Variants in FLT3LG observed in about 807,000 individuals in gnomAD.
The protein encoded by FLT3LG is fms related receptor tyrosine kinase 3 ligand.
Under a neutral mutation model 30.9 loss-of-function variants are expected in FLT3LG, and 8 were observed. That is an observed-to-expected ratio of 0.26 (90% CI 0.15 to 0.47). The LOEUF (loss-of-function observed/expected upper bound fraction) is 0.47, where lower values mean the gene tolerates loss of function less well. Among genes scored for constraint, FLT3LG ranks in the 20% least tolerant of loss-of-function variants. The pLI, the probability that FLT3LG is intolerant of heterozygous loss-of-function variation, is 0.99. For missense variants in FLT3LG, 278 were observed against 306.2 expected (o/e 0.91, Z 0.69); for synonymous variants, 123 against 135.9 (o/e 0.91, Z 0.66).
Position 49,479,054 on chromosome 19 carries a change from G to C in FLT3LG, c.481+7G>C, listed in dbSNP as rs1216262023. On this transcript the variant is annotated splice_region_variant and intron_variant, in intron 6 of 8. Coordinates refer to ENST00000597551, the MANE Select transcript of FLT3LG (RefSeq NM_001459.4). The stretch of plus-strand genomic sequence containing the variant: ...GAGCTGCAGTGTCAGCCCGGTAAAG[G>C]CTTCCAGGCACCCCCACTCCTTCCC... 5.6e-6 allele frequency: 9 copies of C among 1,604,100 alleles called. No homozygotes were observed. The highest frequency in any genetic ancestry group is 2.7e-5 in the African/African-American group (2 of 74,514).
chr19:49,484,761 A>G (rs2079745277), intron 8 of FLT3LG, among the ~76,000 whole-genome samples: 3 of 152,064 alleles, frequency 2.0e-5, no homozygotes, highest in African/African-American at 7.2e-5. Flanking sequence ...TCCCAAAGTG[A>G]TAGGATTACA....
chr19:49,475,662 G>C, intron 2 of FLT3LG, 29 bp from the exon 3 acceptor site: 2 of 1,598,092 alleles, frequency 1.3e-6, no homozygotes, highest in Non-Finnish European at 8.5e-7. Flanking sequence ...GAACAGCAGA[G>C]GGCTCCCCCA....
rs1185023325 is a variant in FLT3LG, at chr19:49,486,230, C to A, written c.*237C>A. 6.5e-6 allele frequency: 1 copy of A among 152,696 alleles called. No homozygotes were observed. Among genetic ancestry groups the A allele is most frequent in the Non-Finnish European group, 1.5e-5 (1 of 68,096 alleles). The allele number at this position is 152,696 out of a possible 1,614,324, so 9.5% of individuals were successfully genotyped here. A position where few individuals can be genotyped will look rare whatever the true frequency, so the allele number is the denominator to read the frequency against. On this transcript the variant is annotated 3_prime_UTR_variant, in exon 9 of 9. Transcript: ENST00000597551. ...TTGTATATAAATCATCCTTTTCTAC[C>A]AGCTCTGGCCAGGTCTGTCTATGGA... is the stretch of plus-strand genomic sequence containing the variant.
rs370559594 is a variant in FLT3LG, at chr19:49,480,450, C to T, written c.634C>T (p.Arg212Trp). 3.8e-6 allele frequency: 6 copies of T among 1,591,256 alleles called. No homozygotes were observed. Among genetic ancestry groups the T allele is most frequent in the Admixed American group, 1.8e-5 (1 of 56,578 alleles). The change falls in exon 7 of 9, where the codon CGG (arginine) becomes TGG (tryptophan). Residue 212 changes from arginine (R) to tryptophan (W), a missense_variant. Physicochemically the swap from Arg to Trp is moderately radical, Grantham distance 101 (BLOSUM62 -3). This residue lies in a region of FLT3LG where 170 missense variants were observed against 162.0 expected (regional missense o/e 1.05). Transcript: ENST00000597551. ...GTGCCTGCACTGGCAGAGGACGCGG[C>T]GGAGGACACCCCGCCCTGGGGAGCA... ...AWCLHWQRTR[R>W]RTPRPGEQVP...
At chr19:49,475,657 G>C (rs1483004231) in intron 2 of FLT3LG, 34 bp from the exon 3 acceptor site, 1 of 1,596,104 alleles carries the variant, frequency 6.3e-7, no homozygotes, top group Non-Finnish European at 8.5e-7. Flanking sequence ...GTGTGGAACA[G>C]CAGAGGGCTC....
At chr19:49,475,658 C>T in intron 2 of FLT3LG, 33 bp from the exon 3 acceptor site, 1 of 1,596,250 alleles carries the variant, frequency 6.3e-7, no homozygotes, top group Non-Finnish European at 8.5e-7. Flanking sequence ...TGTGGAACAG[C>T]AGAGGGCTCC....
At chr19:49,484,288 A>ATTTTTTTTTTTTTT (rs745909519) in intron 8 of FLT3LG, among the ~76,000 whole-genome samples, 4 of 98,354 alleles carry the variant, frequency 4.1e-5, no homozygotes, top group African/African-American at 8.9e-5. Flanking sequence ...TTTTATTATA[A>ATTTTTTTTTTTTTT]TTTTTTTTTT....
At chr19:49,478,144 G>A (rs368155260) in intron 5 of FLT3LG, among the ~76,000 whole-genome samples, 8 of 144,112 alleles carry the variant, frequency 5.6e-5, no homozygotes, top group African/African-American at 1.1e-4. Flanking sequence ...GAGAAACCCC[G>A]TTTCTACTAA....
rs572235634 is a variant in FLT3LG at position 49,476,602 on chromosome 19, G to A, written c.342+36G>A. 6.2e-6 allele frequency: 10 copies of A among 1,612,560 alleles called. No individual in the cohort carries two copies. The South Asian group carries it at 8.8e-5, about 14-fold the overall frequency. Reference sequence around the variant, plus strand: ...AACTTAGGGGACAAGTGAGGGGAGGGAGATGCCTTCCTACGAATTAGAAGT... The same window carrying A: ...AACTTAGGGGACAAGTGAGGGGAGGAAGATGCCTTCCTACGAATTAGAAGT... On this transcript the variant is annotated intron_variant, in intron 5 of 8. Transcript: ENST00000597551. This position sits in a 1 kb window ranked among gnomAD's most constrained non-coding sequence, Gnocchi z 5.3.
At position 49,480,114 on chromosome 19, in the gene FLT3LG, T is replaced by C. The variant is rs189978045; in HGVS notation, c.482-184T>C. Among the ~76,000 whole-genome samples the C allele has an allele frequency of 5.3e-5, 8 of 152,338 alleles. No homozygotes were observed. In the East Asian group the frequency reaches 1.5e-3, roughly 29 times the overall value. ...CCACCGCGCTCAGCCTATTCACTCA[T>C]TTAATTTGTGACAGTCTGATGAGGT... On this transcript the variant is annotated intron_variant, in intron 6 of 8. Coordinates refer to ENST00000597551, the MANE Select transcript of FLT3LG (RefSeq NM_001459.4).
chr19:49,483,091 C>T (rs181209503), intron 8 of FLT3LG, among the ~76,000 whole-genome samples: 1 of 152,190 alleles, frequency 6.6e-6, no homozygotes, highest in East Asian at 1.9e-4. Context: ...TTTTGTCATA[C>T]TAAGCCTTCA....
In FLT3LG at chr19:49,480,382, T is replaced by G; in HGVS notation, c.566T>G (p.Leu189Arg). Residue 189 changes from leucine to arginine, a missense_variant, in exon 7 of 9, where the codon CTA becomes CGA. Physicochemically the swap from Leu to Arg is moderately radical, Grantham distance 102 (BLOSUM62 -2). Around this residue, in one of 3 missense-constraint regions of FLT3LG, gnomAD observed 170 missense variants for 162.0 expected, o/e 1.05. Transcript: ENST00000597551. ...PTAPQPPLLL[L>R]LLLPVGLLLL... is the part of the protein sequence containing the mutation. ...GCCCCGCAGCCCCCTCTGCTCCTCC[T>G]ACTGCTGCTGCCCGTGGGCCTCCTG... 5.0e-6 allele frequency: 8 copies of G among 1,610,416 alleles called. No individual in the cohort carries two copies. The highest frequency in any genetic ancestry group is 5.9e-6 in the Non-Finnish European group (7 of 1,178,738).
intron 8 of FLT3LG, among the ~76,000 whole-genome samples, chr19:49,485,253 T>TC (rs1568682882): frequency 6.7e-6 from 1 of 148,902 alleles, no homozygotes; most frequent in African/African-American, 2.5e-5. Flanking sequence ...TTTTTCTTTT[T>TC]TTTTTTTTTT....
intron 2 of FLT3LG, 79 bp downstream of exon 2, chr19:49,474,751 CG>C: frequency 6.9e-7 from 1 of 1,453,090 alleles, no homozygotes; most frequent in Non-Finnish European, 9.5e-7. Flanking sequence ...GGGAGATGGA[CG>C]GGAGAACAGA....
At chr19:49,485,904 G>C (rs1162522733) in intron 8 of FLT3LG, 111 bp from the exon 9 acceptor site, 1 of 152,258 alleles carries the variant, frequency 6.6e-6, no homozygotes, top group African/African-American at 2.4e-5. Context: ...GAATGGAGTT[G>C]TTTTGGGCAT....
Position 49,478,915 on chromosome 19 carries a change from C to T in FLT3LG, c.349C>T (p.Pro117Ser), listed in dbSNP as rs750254491. Reference protein sequence around the residue: ...FVTKCAFQPPPSCLRFVQTNI... With the variant: ...FVTKCAFQPPSSCLRFVQTNI... ...CTCCCTCCCCTGCTCCCAGCCCCCC[C>T]CCAGCTGTCTTCGCTTCGTCCAGAC... Residue 117 changes from proline (P) to serine (S), a missense_variant, in exon 6 of 9, where the codon CCC (proline) becomes TCC (serine). Around this residue, in one of 3 missense-constraint regions of FLT3LG, gnomAD observed 170 missense variants for 162.0 expected, o/e 1.05. Coordinates refer to ENST00000597551, the MANE Select transcript of FLT3LG (RefSeq NM_001459.4). 6.5e-6 allele frequency: 10 copies of T among 1,537,742 alleles called. No homozygotes were observed. Among genetic ancestry groups the T allele is most frequent in the Non-Finnish European group, 5.3e-6 (6 of 1,140,252 alleles).
At chr19:49,480,106 T>C (rs2079550334) in intron 6 of FLT3LG, among the ~76,000 whole-genome samples, 192 bp from the exon 7 acceptor site, 1 of 152,198 alleles carries the variant, frequency 6.6e-6, no homozygotes, top group Admixed American at 6.5e-5. Flanking sequence ...GCTCAGCCTA[T>C]TCACTCATTT....
At position 49,476,121 on chromosome 19, in the gene FLT3LG, G is replaced by A. The variant is rs945805201; in HGVS notation, c.145-24G>A. On this transcript the variant is annotated intron_variant, in intron 3 of 8. Transcript: ENST00000597551. The surrounding 1 kb of genome is among the most constrained non-coding windows in gnomAD (Gnocchi z 5.3). ...TCTGTTTCTCGCTGTTTTCAGCCAGGCCTGATCCTGTTTTCTCCCGCAGTC... is the reference window on the plus strand; with the variant it reads ...TCTGTTTCTCGCTGTTTTCAGCCAGACCTGATCCTGTTTTCTCCCGCAGTC... The A allele has an allele frequency of 6.2e-6, 10 of 1,613,574 alleles. No homozygotes were observed. The highest frequency in any genetic ancestry group is 8.5e-6 in the Non-Finnish European group (10 of 1,179,898).
chr19:49,478,986 G>A lies in FLT3LG; in HGVS notation c.420G>A (p.Ala140=), dbSNP rs774788539. ...AGGAGACCTCCGAGCAGCTGGTGGC[G>A]CTGAAGCCCTGGATCACTCGCCAGA... ...LLQETSEQLV[A]LKPWITRQNF... is the part of the protein sequence containing the mutation. The change falls in exon 6 of 9, where the codon GCG becomes GCA. Residue 140 remains alanine (A), a synonymous_variant. Coordinates refer to ENST00000597551, the MANE Select transcript of FLT3LG (RefSeq NM_001459.4). The A allele has an allele frequency of 1.9e-6, 3 of 1,602,986 alleles. No individual in the cohort carries two copies. Among genetic ancestry groups the A allele is most frequent in the Non-Finnish European group, 2.6e-6 (3 of 1,174,814 alleles).
Sources: gnomAD v4.1 joint callset for allele counts (sites outside exome capture counted in the v4.1 genomes callset) on GRCh38, gnomAD v4.1.1 for gene constraint, gnomAD v4.1.1 regional missense constraint, Gnocchi (gnomAD v3.1) non-coding constraint, MANE v1.5 for transcripts, NCBI Gene and HGNC (gene_info 2026-07-23, HGNC 2026-07-21) for gene names.